Variants in ZNF407 observed in about 807,000 individuals in gnomAD.
The protein encoded by ZNF407 is zinc finger protein 407.
A neutral mutation model predicts 131.2 loss-of-function variants in ZNF407; 17 were observed. The ratio of observed to expected loss-of-function variants is 0.13; its 90% CI spans 0.09 to 0.19. ZNF407 has a LOEUF of 0.19. ZNF407 is among the 10% of genes least tolerant of loss of function. The pLI is 1.00. For synonymous variants in ZNF407, 1,156 were observed against 1,062.0 expected, an observed-to-expected ratio of 1.09 and a Z score of -1.72; for missense variants, 2,681 against 2,830.6, an observed-to-expected ratio of 0.95 and a Z score of 1.20.
intron 2 of ZNF407, among the ~76,000 whole-genome samples, chr18:74,638,322 A>G (rs922633058): frequency 2.6e-5 from 4 of 152,222 alleles, no homozygotes; most frequent in African/African-American, 9.6e-5. Context: ...GTCCCACATT[A>G]GTTGGCTCTT....
At chr18:74,679,762 C>T (rs1966937250) in intron 3 of ZNF407, among the ~76,000 whole-genome samples, 1 of 152,144 alleles carries the variant, frequency 6.6e-6, no homozygotes, top group African/African-American at 2.4e-5. Flanking sequence ...AAACATAATT[C>T]CTCTTCTGTA....
chr18:74,841,499 T>C (rs1462914513), intron 4 of ZNF407, among the ~76,000 whole-genome samples: 1 of 152,240 alleles, frequency 6.6e-6, no homozygotes, highest in Middle Eastern at 3.2e-3. Flanking sequence ...GCAGCACTTG[T>C]TATTTTTAAA....
At chr18:74,911,922 G>T (rs141683519) in intron 7 of ZNF407, among the ~76,000 whole-genome samples, 2 of 152,246 alleles carry the variant, frequency 1.3e-5, no homozygotes, top group East Asian at 1.9e-4. Flanking sequence ...CTCTTTGGGC[G>T]GTGGGTTGTA....
chr18:74,634,483 A>C lies in ZNF407; in HGVS notation c.3464A>C (p.Glu1155Ala). 6.2e-7 allele frequency: 1 copy of C among 1,613,812 alleles called. No homozygotes were observed. The highest frequency in any genetic ancestry group is 8.5e-7 in the Non-Finnish European group (1 of 1,179,886). Reference protein sequence around the residue: ...ADSVEVETEEESNFNEDHSFC... With the variant: ...ADSVEVETEEASNFNEDHSFC... ...TCTGTAGAAGTTGAGACTGAAGAAG[A>C]ATCTAATTTCAATGAAGACCATTCC... The change falls in exon 2 of 9, where the codon GAA becomes GCA. Residue 1155 changes from glutamate (E) to alanine (A), a missense_variant. By Grantham distance (107) the Glu-to-Ala change is moderately radical (BLOSUM62 -1). Coordinates refer to ENST00000299687, the MANE Select transcript of ZNF407 (RefSeq NM_017757.3).
chr18:74,969,750 C>T (rs576262126), intron 8 of ZNF407, among the ~76,000 whole-genome samples: 3 of 152,166 alleles, frequency 2.0e-5, no homozygotes, highest in East Asian at 1.9e-4. Context: ...CTTTTCCACA[C>T]GGACCTTGGG....
chr18:74,622,335 A>G (rs1405200134), intron 1 of ZNF407, among the ~76,000 whole-genome samples: 2 of 152,204 alleles, frequency 1.3e-5, no homozygotes, highest in Non-Finnish European at 2.9e-5. Context: ...AGATGAAGAA[A>G]GAGATGCGAG....
intron 7 of ZNF407, among the ~76,000 whole-genome samples, chr18:74,914,570 G>A (rs1418615979): frequency 6.6e-6 from 1 of 152,184 alleles, no homozygotes; most frequent in Non-Finnish European, 1.5e-5. Flanking sequence ...AAAAGATAAT[G>A]CATAGATTAC....
chr18:74,968,413 C>T (rs1001446674), intron 8 of ZNF407, among the ~76,000 whole-genome samples: 8 of 152,270 alleles, frequency 5.3e-5, no homozygotes, highest in African/African-American at 1.9e-4. Flanking sequence ...CTTTTCCTAC[C>T]CTGATGACCC....
chr18:74,855,738 A>C (rs1329340030), intron 4 of ZNF407, among the ~76,000 whole-genome samples: 1 of 152,198 alleles, frequency 6.6e-6, no homozygotes, highest in African/African-American at 2.4e-5. Context: ...CCTCTTGTAT[A>C]ATGCATGCAA....
intron 4 of ZNF407, among the ~76,000 whole-genome samples, chr18:74,783,163 A>G (rs1414815320): frequency 6.6e-6 from 1 of 152,184 alleles, no homozygotes; most frequent in African/African-American, 2.4e-5. Flanking sequence ...TTAGCAGTAC[A>G]TTATTATTCC....
chr18:74,809,490 A>C (rs187938851), intron 4 of ZNF407, among the ~76,000 whole-genome samples: 40 of 152,306 alleles, frequency 2.6e-4, no homozygotes, highest in African/African-American at 9.4e-4. Context: ...TTTTCTTATA[A>C]TGATGGTTTC....
intron 3 of ZNF407, among the ~76,000 whole-genome samples, chr18:74,774,753 G>T (rs1010569064): frequency 6.6e-6 from 1 of 152,220 alleles, no homozygotes; most frequent in Non-Finnish European, 1.5e-5. Context: ...TATAGACTGT[G>T]TAGTAGATAT....
At chr18:75,018,671 A>G (rs1397992655) in intron 8 of ZNF407, among the ~76,000 whole-genome samples, 1 of 152,124 alleles carries the variant, frequency 6.6e-6, no homozygotes, top group Non-Finnish European at 1.5e-5. Context: ...TCTGAAATAA[A>G]AATTTTAATA....
chr18:74,904,945 A>T (rs1414171929), intron 7 of ZNF407, among the ~76,000 whole-genome samples: 1 of 152,250 alleles, frequency 6.6e-6, no homozygotes, highest in Non-Finnish European at 1.5e-5. Context: ...TCAGGCCATT[A>T]GCAGTTGAAG....
intron 8 of ZNF407, among the ~76,000 whole-genome samples, chr18:74,931,128 A>G (rs1327730603): frequency 6.6e-6 from 1 of 152,248 alleles, no homozygotes; most frequent in Non-Finnish European, 1.5e-5. Flanking sequence ...GTACAGATAA[A>G]GCTTTATGAC....
chr18:74,612,226 A>G (rs1377890038), intron 1 of ZNF407, among the ~76,000 whole-genome samples: 1 of 152,202 alleles, frequency 6.6e-6, no homozygotes, highest in African/African-American at 2.4e-5. Flanking sequence ...TGGATATGAT[A>G]AAGTAATAAA....
intron 8 of ZNF407, among the ~76,000 whole-genome samples, chr18:74,937,095 C>A (rs1045805082): frequency 6.6e-6 from 1 of 152,146 alleles, no homozygotes; most frequent in Non-Finnish European, 1.5e-5. Flanking sequence ...GTGAAAGGTG[C>A]TTTAGGAAAG....
chr18:74,830,437 C>T (rs1052135969), intron 4 of ZNF407, among the ~76,000 whole-genome samples: 2 of 152,146 alleles, frequency 1.3e-5, no homozygotes, highest in Non-Finnish European at 2.9e-5. Context: ...ACCACGCCAC[C>T]ATGCCTGGCT....
intron 3 of ZNF407, among the ~76,000 whole-genome samples, chr18:74,718,077 A>G (rs567533122): frequency 5.9e-5 from 9 of 152,270 alleles, no homozygotes; most frequent in Admixed American, 3.9e-4. Flanking sequence ...TTTATATGCC[A>G]TAAACAGCAT....
Sources: gnomAD v4.1 joint callset for allele counts (sites outside exome capture counted in the v4.1 genomes callset) on GRCh38, gnomAD v4.1.1 for gene constraint, MANE v1.5 for transcripts, NCBI Gene and HGNC (gene_info 2026-07-23, HGNC 2026-07-21) for gene names.